Variants in PSMD12 observed in about 807,000 individuals in gnomAD.
The protein encoded by PSMD12 is proteasome 26S subunit, non-ATPase 12, also known as 26S proteasome non-ATPase regulatory subunit 12.
A neutral mutation model predicts 62.9 loss-of-function variants in PSMD12; 8 were observed. That is an observed-to-expected ratio of 0.13 (90% CI 0.07 to 0.23). The LOEUF (loss-of-function observed/expected upper bound fraction) is 0.23. Among genes scored for constraint, PSMD12 ranks in the 10% least tolerant of loss-of-function variants. PSMD12 has a pLI of 1.00. For synonymous variants in PSMD12, 173 were observed against 187.4 expected (o/e 0.92, Z 0.63); for missense variants, 424 against 550.2 (o/e 0.77, Z 2.29).
Position 67,357,434 on chromosome 17 carries a change from G to GT in PSMD12, c.169-4dup, listed in dbSNP as rs773818620. 1 of 1,613,540 alleles carries GT rather than the reference G, an allele frequency of 6.2e-7. No individual in the cohort carries two copies. The highest frequency in any genetic ancestry group is 1.1e-5 in the South Asian group (1 of 90,974). ...GATGTCGATACCATATCGGAAGCCT[G>GT]TAAGGGTAAAAATATATTGAAAGTT... is the stretch of plus-strand genomic sequence containing the variant. On this transcript the variant is annotated splice_polypyrimidine_tract_variant and splice_region_variant and intron_variant, in intron 2 of 10. Transcript: ENST00000356126.
chr17:67,359,711 G>C (rs1429677614), intron 1 of PSMD12, among the ~76,000 whole-genome samples: 1 of 152,080 alleles, frequency 6.6e-6, no homozygotes. Context: ...AATTAAATCT[G>C]AAATATGTGA....
intron 1 of PSMD12, among the ~76,000 whole-genome samples, chr17:67,365,157 C>A (rs1378016477): frequency 6.8e-6 from 1 of 146,824 alleles, no homozygotes. Flanking sequence ...GCACTCCATC[C>A]TGGGTGAAAA....
intron 7 of PSMD12, among the ~76,000 whole-genome samples, chr17:67,346,450 G>A (rs530959852): frequency 4.6e-5 from 7 of 150,906 alleles, no homozygotes; most frequent in South Asian, 4.2e-4. Context: ...CTGTAGTCCC[G>A]GCTACTCAGG....
Position 67,366,425 on chromosome 17 carries a change from G to A in PSMD12, c.95C>T (p.Ala32Val). ...ATVDQRLPEC[A>V]KLAKEGRLQE... ...GCCTCTCCTCACCTTGGCTAGCTTC[G>A]CACACTCGGGTAGGCGCTGATCCAC... The change falls in exon 1 of 11, where the codon GCG (alanine) becomes GTG (valine). Residue 32 changes from alanine to valine, a missense_variant. Coordinates refer to ENST00000356126, the MANE Select transcript of PSMD12 (RefSeq NM_002816.5). The A allele has an allele frequency of 6.2e-7, 1 of 1,611,266 alleles. No individual in the cohort carries two copies. Among genetic ancestry groups the A allele is most frequent in the Non-Finnish European group, 8.5e-7 (1 of 1,178,524 alleles).
chr17:67,355,493 A>G (rs2042060119), intron 3 of PSMD12: 2 of 152,222 alleles, frequency 1.3e-5, no homozygotes, highest in African/African-American at 4.8e-5. Flanking sequence ...CCACTTTAAT[A>G]CTATCCTTAC....
chr17:67,356,537 G>A (rs1198909683), intron 3 of PSMD12, among the ~76,000 whole-genome samples: 3 of 90,178 alleles, frequency 3.3e-5, no homozygotes, highest in South Asian at 4.5e-4. Context: ...CAGCCTGGGC[G>A]ACAGAGCGAG....
At chr17:67,350,112 G>A in intron 4 of PSMD12, 117 bp downstream of exon 4, 2 of 600,482 alleles carry the variant, frequency 3.3e-6, no homozygotes, top group Non-Finnish European at 5.5e-6. Flanking sequence ...ATGACATTTT[G>A]TGTATTTCTT....
intron 1 of PSMD12, among the ~76,000 whole-genome samples, chr17:67,365,111 G>C (rs2143745837): frequency 6.6e-6 from 1 of 151,832 alleles, no homozygotes; most frequent in Non-Finnish European, 1.5e-5. Flanking sequence ...TTGAACCCGG[G>C]AGGCGGGGGT....
At chr17:67,348,336 C>T (rs2041987161) in intron 5 of PSMD12, among the ~76,000 whole-genome samples, 1 of 152,096 alleles carries the variant, frequency 6.6e-6, no homozygotes, top group Non-Finnish European at 1.5e-5. Context: ...TGTAGTGGTA[C>T]CCCATTGTGG....
At position 67,341,299 on chromosome 17, in the gene PSMD12, T is replaced by C. The variant is rs140101477; in HGVS notation, c.1162-247A>G. Among the ~76,000 whole-genome samples, 106 of 151,702 alleles carry C rather than the reference T, an allele frequency of 7.0e-4. 1 individual carries two copies. The East Asian group carries it at 0.017, about 24-fold the overall frequency. ...GCCTGAGCAACATGGTGAAACCCCA[T>C]CTCTACTAAAAATACCAAAATTAGC... On this transcript the variant is annotated intron_variant, in intron 10 of 10. Transcript: ENST00000356126.
rs932854371 is a variant in PSMD12 at position 67,348,418 on chromosome 17, A to G, written c.510+132T>C. On this transcript the variant is annotated intron_variant, in intron 5 of 10. Coordinates refer to ENST00000356126, the MANE Select transcript of PSMD12 (RefSeq NM_002816.5). The stretch of plus-strand genomic sequence containing the variant: ...CAGTATGAAAAAAGATGCCATTCAC[A>G]GGCTTTCAATCAAAATCCAAAATAA... The G allele has an allele frequency of 9.6e-6, 7 of 732,170 alleles. No homozygotes were observed. In the African/African-American group the frequency reaches 1.3e-4, roughly 13 times the overall value. The allele number at this position is 732,170 out of a possible 1,614,324, so 45.4% of individuals were successfully genotyped here.
intron 9 of PSMD12, 145 bp downstream of exon 9, chr17:67,344,461 A>T: frequency 1.3e-6 from 1 of 773,950 alleles, no homozygotes; most frequent in Non-Finnish European, 2.0e-6. Flanking sequence ...GTGAAGAATT[A>T]AACACATAAC....
chr17:67,342,789 A>T (rs1305358496), intron 9 of PSMD12, among the ~76,000 whole-genome samples: 2 of 152,076 alleles, frequency 1.3e-5, no homozygotes, highest in Non-Finnish European at 2.9e-5. Context: ...TTTAAAAATT[A>T]GCTGAATATG....
At chr17:67,355,026 T>C (rs531082543) in intron 3 of PSMD12, among the ~76,000 whole-genome samples, 83 of 152,108 alleles carry the variant, frequency 5.5e-4, no homozygotes, top group Middle Eastern at 3.4e-3. Context: ...CATTCACATA[T>C]TTTAGGTTGT....
Position 67,340,819 on chromosome 17 carries a change from C to T in PSMD12, c.*24G>A. The T allele has an allele frequency of 6.6e-7, 1 of 1,509,342 alleles. No individual in the cohort carries two copies. The highest frequency in any genetic ancestry group is 8.9e-7 in the Non-Finnish European group (1 of 1,129,186). The allele number at this position is 1,509,342 out of a possible 1,614,324, so 93.5% of individuals were successfully genotyped here. A position where few individuals can be genotyped will look rare whatever the true frequency, so the allele number is the denominator to read the frequency against. Reference sequence around the variant, plus strand: ...TTTTTTTAATGACTTCCAATTTTAACTTTTTTCTAAAGCACTAAGACCCTT... The same window carrying T: ...TTTTTTTAATGACTTCCAATTTTAATTTTTTTCTAAAGCACTAAGACCCTT... On this transcript the variant is annotated 3_prime_UTR_variant, in exon 11 of 11. Transcript: ENST00000356126.
At position 67,366,534 on chromosome 17, in the gene PSMD12, C is replaced by A. The variant is rs773195102; in HGVS notation, c.-15G>T. 1.3e-6 allele frequency: 2 copies of A among 1,593,316 alleles called. No homozygotes were observed. Among genetic ancestry groups the A allele is most frequent in the Admixed American group, 1.7e-5 (1 of 59,280 alleles). On this transcript the variant is annotated 5_prime_UTR_variant, in exon 1 of 11. Transcript: ENST00000356126. Reference sequence around the variant, plus strand: ...CCGTCCGCCATGGTCCCCGCCTGAGCGTCCCTTGCTGTCCCCCTGCTTCGG... The same window carrying A: ...CCGTCCGCCATGGTCCCCGCCTGAGAGTCCCTTGCTGTCCCCCTGCTTCGG...
At chr17:67,365,864 C>T (rs1344905338) in intron 1 of PSMD12, among the ~76,000 whole-genome samples, 1 of 151,862 alleles carries the variant, frequency 6.6e-6, no homozygotes, top group Non-Finnish European at 1.5e-5. Flanking sequence ...TAACACTTTC[C>T]CCTTGTATGG....
intron 1 of PSMD12, among the ~76,000 whole-genome samples, chr17:67,364,232 T>TA (rs59053283): frequency 0.19 from 27,970 of 148,892 alleles, 3,063 homozygotes; most frequent in South Asian, 0.32. Context: ...CACACTGGCT[T>TA]AAAAAAAAAA....
At chr17:67,347,790 C>T (rs1168989411) in intron 5 of PSMD12, among the ~76,000 whole-genome samples, 3 of 152,194 alleles carry the variant, frequency 2.0e-5, no homozygotes, top group Non-Finnish European at 4.4e-5. Flanking sequence ...TATAATCACA[C>T]ACTTCCCCCA....
Sources: allele counts gnomAD v4.1 joint callset (sites outside exome capture counted in the v4.1 genomes callset), GRCh38; gene constraint gnomAD v4.1.1; transcripts MANE v1.5; gene names NCBI Gene and HGNC (gene_info 2026-07-23, HGNC 2026-07-21).